GALNT18: variants seen among roughly 807,000 people sequenced by gnomAD.
The protein encoded by GALNT18 is GalNAc-transferase 18.
GALNT18 carries 44 observed loss-of-function variants against 69.5 expected under a neutral mutation model. The observed-to-expected ratio is 0.63, with a 90% CI of 0.50 to 0.81. The LOEUF (loss-of-function observed/expected upper bound fraction) is 0.81. Ranked by LOEUF, GALNT18 falls within the 40% of genes least tolerant of loss-of-function variation. GALNT18 has a pLI of 0.00. For synonymous variants in GALNT18, 364 were observed against 318.2 expected (o/e 1.14, Z -1.53); for missense variants, 715 against 810.0 (o/e 0.88, Z 1.42).
intron 1 of GALNT18, among the ~76,000 whole-genome samples, chr11:11,512,198 C>T (rs1445607650): frequency 1.3e-5 from 2 of 152,162 alleles, no homozygotes. Context: ...AGGGCTGAGC[C>T]GTGTCTCCTG....
At chr11:11,275,601 T>TTTGCCC (rs1274813506) in intron 10 of GALNT18, among the ~76,000 whole-genome samples, 2 of 152,218 alleles carry the variant, frequency 1.3e-5, no homozygotes, top group African/African-American at 2.4e-5. Context: ...TCATGAAGTC[T>TTTGCCC]TTGCCCATGC....
intron 3 of GALNT18, among the ~76,000 whole-genome samples, chr11:11,386,900 G>A (rs533165848): frequency 9.2e-5 from 14 of 152,222 alleles, no homozygotes; most frequent in African/African-American, 2.2e-4. Context: ...TGTTGAAATC[G>A]CAGGCTCCAG....
intron 6 of GALNT18, among the ~76,000 whole-genome samples, chr11:11,363,309 A>C (rs1176609740): frequency 6.6e-6 from 1 of 152,206 alleles, no homozygotes; most frequent in Non-Finnish European, 1.5e-5. Context: ...AAGCAAAATG[A>C]AACAACTGAT....
intron 6 of GALNT18, among the ~76,000 whole-genome samples, chr11:11,363,024 G>GA (rs1392728500): frequency 2.6e-5 from 4 of 151,968 alleles, no homozygotes; most frequent in Non-Finnish European, 5.9e-5. Context: ...ACAATCTTCA[G>GA]AAAAAAGTGA....
chr11:11,297,311 C>T (rs4909978), intron 9 of GALNT18, among the ~76,000 whole-genome samples: 19,282 of 152,192 alleles, frequency 0.13, 1,620 homozygotes, highest in Admixed American at 0.21. Context: ...GACTTACATG[C>T]TTTATCTTGT....
In GALNT18 at chr11:11,368,287, G is replaced by T. The variant is rs79333737; in HGVS notation, c.1092+4228C>A. On this transcript the variant is annotated intron_variant, in intron 6 of 10. Transcript: ENST00000227756. ...GTTCCTCTATGGTATATCTAAATGG[G>T]GATATCTTTATATTTACCTCACTTT... 8.3e-3 allele frequency among the ~76,000 whole-genome samples: 1,267 copies of T among 152,030 alleles called. 13 individuals carry two copies. Among genetic ancestry groups the T allele is most frequent in the African/African-American group, 0.028 (1,152 of 41,422 alleles).
intron 1 of GALNT18, among the ~76,000 whole-genome samples, chr11:11,486,451 T>C (rs1856647913): frequency 6.6e-6 from 1 of 152,212 alleles, no homozygotes; most frequent in Admixed American, 6.5e-5. Context: ...GAGGAGTAGA[T>C]CTGAAAGTTA....
At position 11,465,448 on chromosome 11, in the gene GALNT18, G is replaced by C. The variant is rs1248320240; in HGVS notation, c.236-16512C>G. ...GCTGCTCCTCCAGGCTGCACGGACG[G>C]TGTCACGCTGCCCTCTGATCCTGGG... On this transcript the variant is annotated intron_variant, in intron 1 of 10. Transcript: ENST00000227756. This position sits in a 1 kb window ranked among gnomAD's most constrained non-coding sequence, Gnocchi z 5.7. Among the ~76,000 whole-genome samples, 1 of 152,118 alleles carries C rather than the reference G, an allele frequency of 6.6e-6. No individual in the cohort carries two copies. The highest frequency in any genetic ancestry group is 1.9e-4 in the East Asian group (1 of 5,178).
At chr11:11,399,143 A>G (rs1333338470) in intron 3 of GALNT18, among the ~76,000 whole-genome samples, 2 of 152,194 alleles carry the variant, frequency 1.3e-5, no homozygotes, top group African/African-American at 4.8e-5. Context: ...TGCCCTTATA[A>G]GAGTCATGAG....
Position 11,271,093 on chromosome 11 carries a change from C to A in GALNT18, c.*51G>T. 1 of 1,552,514 alleles carries A rather than the reference C, an allele frequency of 6.4e-7. No individual in the cohort carries two copies. The highest frequency in any genetic ancestry group is 1.7e-5 in the Admixed American group (1 of 57,518). ...CCCACGTGGACAGCAGGCAACGTTG[C>A]AGCAGGTGCTACACAGTAGCAAAGA... is the stretch of plus-strand genomic sequence containing the variant. On this transcript the variant is annotated 3_prime_UTR_variant, in exon 11 of 11. Transcript: ENST00000227756.
In GALNT18 at chr11:11,454,696, ACAGAGAGC is replaced by A. The variant is rs1191737302; in HGVS notation, c.236-5768_236-5761del. Among the ~76,000 whole-genome samples the A allele has an allele frequency of 6.6e-6, 1 of 152,172 alleles. No homozygotes were observed. The highest frequency in any genetic ancestry group is 6.5e-5 in the Admixed American group (1 of 15,286). On this transcript the variant is annotated intron_variant, in intron 1 of 10. Coordinates refer to ENST00000227756, the MANE Select transcript of GALNT18 (RefSeq NM_198516.3). This position sits in a 1 kb window ranked among gnomAD's most constrained non-coding sequence, Gnocchi z 4.2. ...AGTGTCCAGCTCAAACCACAGAACC[ACAGAGAGC>A]CAGAGAGTCAGGCCAGGAGTGCTCT...
intron 10 of GALNT18, among the ~76,000 whole-genome samples, chr11:11,279,465 A>C (rs1036503646): frequency 2.0e-5 from 3 of 152,346 alleles, no homozygotes; most frequent in African/African-American, 7.2e-5. Context: ...ATGCGCATGA[A>C]TGCTTTCTAG....
At chr11:11,579,123 G>A (rs1859007872) in intron 1 of GALNT18, among the ~76,000 whole-genome samples, 1 of 152,216 alleles carries the variant, frequency 6.6e-6, no homozygotes, top group Non-Finnish European at 1.5e-5. Context: ...AACTGGCTGT[G>A]GGCAGACACA....
In GALNT18 at chr11:11,404,300, C is replaced by T. The variant is rs772851935; in HGVS notation, c.596-25036G>A. On this transcript the variant is annotated intron_variant, in intron 3 of 10. Coordinates refer to ENST00000227756, the MANE Select transcript of GALNT18 (RefSeq NM_198516.3). The surrounding 1 kb of genome is among the most constrained non-coding windows in gnomAD (Gnocchi z 4.5). ...CTTCAGTGCCAATGCCTCTGCCTCA[C>T]CATCCATCTGTGAATAGGGGTAAGA... Among the ~76,000 whole-genome samples the T allele has an allele frequency of 6.6e-6, 1 of 152,232 alleles. No homozygotes were observed. Among genetic ancestry groups the T allele is most frequent in the Non-Finnish European group, 1.5e-5 (1 of 68,034 alleles).
Position 11,616,606 on chromosome 11 carries a change from A to G in GALNT18, c.235+4753T>C, listed in dbSNP as rs1860056478. Among the ~76,000 whole-genome samples, 1 of 152,202 alleles carries G rather than the reference A, an allele frequency of 6.6e-6. No homozygotes were observed. Among genetic ancestry groups the G allele is most frequent in the African/African-American group, 2.4e-5 (1 of 41,454 alleles). Reference sequence around the variant, plus strand: ...CTATGCAGTCATTAAAAATACAGTAAAAGTTCTCTTTAGAAACTCTCCATT... The same window carrying G: ...CTATGCAGTCATTAAAAATACAGTAGAAGTTCTCTTTAGAAACTCTCCATT... On this transcript the variant is annotated intron_variant, in intron 1 of 10. Transcript: ENST00000227756. This position sits in a 1 kb window ranked among gnomAD's most constrained non-coding sequence, Gnocchi z 4.4.
rs890093292 is a variant in GALNT18 at position 11,434,759 on chromosome 11, T to C, written c.429-1972A>G. ...GGAATAGGGAGGTGAGGGGAGGAAC[T>C]TGAATGAAGGAGAAAGACTGGTATG... On this transcript the variant is annotated intron_variant, in intron 2 of 10. Coordinates refer to ENST00000227756, the MANE Select transcript of GALNT18 (RefSeq NM_198516.3). 3.3e-5 allele frequency among the ~76,000 whole-genome samples: 5 copies of C among 152,266 alleles called. No homozygotes were observed. The South Asian group carries it at 1.0e-3, about 32-fold the overall frequency.
rs1859135831 is a variant in GALNT18 at position 11,583,469 on chromosome 11, G to A, written c.235+37890C>T. 6.6e-6 allele frequency among the ~76,000 whole-genome samples: 1 copy of A among 152,100 alleles called. No homozygotes were observed. The highest frequency in any genetic ancestry group is 6.6e-5 in the Admixed American group (1 of 15,254). ...CCATAGGTGAAAATAAAATCCACGG[G>A]GTAAAAAGGTTTCTAGCTCTGTTTC... On this transcript the variant is annotated intron_variant, in intron 1 of 10. Coordinates refer to ENST00000227756, the MANE Select transcript of GALNT18 (RefSeq NM_198516.3). This position sits in a 1 kb window ranked among gnomAD's most constrained non-coding sequence, Gnocchi z 4.7.
At chr11:11,486,905 T>G (rs190165512) in intron 1 of GALNT18, among the ~76,000 whole-genome samples, 1 of 152,296 alleles carries the variant, frequency 6.6e-6, no homozygotes, top group East Asian at 1.9e-4. Context: ...AGGGAAGGAA[T>G]AAATGTTCCT....
intron 2 of GALNT18, among the ~76,000 whole-genome samples, chr11:11,441,092 A>T (rs573806190): frequency 6.6e-6 from 1 of 152,198 alleles, no homozygotes. Flanking sequence ...TTAAAACCCA[A>T]TTCTGCAGTT....
Sources: allele counts gnomAD v4.1 joint callset (sites outside exome capture counted in the v4.1 genomes callset), GRCh38; gene constraint gnomAD v4.1.1; non-coding constraint Gnocchi (gnomAD v3.1); transcripts MANE v1.5; gene names NCBI Gene and HGNC (gene_info 2026-07-23, HGNC 2026-07-21).